The following GATAD2A variants were observed in gnomAD, a reference collection of about 807,000 sequenced individuals.
GATAD2A encodes the protein transcriptional repressor p66-alpha.
Under a neutral mutation model 68.5 loss-of-function variants are expected in GATAD2A, and 12 were observed. That is an observed-to-expected ratio of 0.18 (90% CI 0.11 to 0.28). The LOEUF is 0.28. GATAD2A is among the 10% of genes least tolerant of loss of function. The probability of loss-of-function intolerance (pLI) is 1.00; values close to 1 mark genes in which losing one functional copy is unlikely to be tolerated. For synonymous variants in GATAD2A, 410 were observed against 375.3 expected, an observed-to-expected ratio of 1.09 and a Z score of -1.07; for missense variants, 755 against 868.5, an observed-to-expected ratio of 0.87 and a Z score of 1.64.
At chr19:19,499,253 C>T (rs1346615029) in intron 8 of GATAD2A, among the ~76,000 whole-genome samples, 3 of 152,228 alleles carry the variant, frequency 2.0e-5, no homozygotes, top group East Asian at 1.9e-4. Context: ...GCATTGGAGA[C>T]GGCTGGGCGG....
chr19:19,390,591 C>A (rs1249019643), intron 1 of GATAD2A, among the ~76,000 whole-genome samples: 1 of 152,068 alleles, frequency 6.6e-6, no homozygotes, highest in African/African-American at 2.4e-5. Context: ...TGGTGTCTCC[C>A]CCTGTAAAAT....
At chr19:19,489,373 C>T (rs573245245) in intron 2 of GATAD2A, among the ~76,000 whole-genome samples, 75 of 152,318 alleles carry the variant, frequency 4.9e-4, no homozygotes, top group Admixed American at 1.3e-3. Flanking sequence ...TGGAACTGGC[C>T]GTTGCCATGG....
intron 2 of GATAD2A, among the ~76,000 whole-genome samples, chr19:19,484,555 C>T (rs868021529): frequency 5.5e-5 from 6 of 108,566 alleles, no homozygotes; most frequent in Middle Eastern, 9.3e-3. Context: ...TTTTTTGAGA[C>T]GGAGTCTGGC....
intron 1 of GATAD2A, among the ~76,000 whole-genome samples, chr19:19,424,583 G>A (rs1464546771): frequency 6.6e-6 from 1 of 151,790 alleles, no homozygotes; most frequent in Non-Finnish European, 1.5e-5. Flanking sequence ...CTGTTGCTCA[G>A]GCTGGTCTCG....
chr19:19,501,273 G>A lies in GATAD2A; in HGVS notation c.1360G>A (p.Glu454Lys), dbSNP rs1401694155. ...CAACCAGAAGAAGGCGCTCAAGGTG[G>A]AGCACACCAGCCGGCTGAAGGCCGC... ...TTNQKKALKVEHTSRLKAAFV... is the reference protein window; with the variant it reads ...TTNQKKALKVKHTSRLKAAFV... Residue 454 changes from glutamate (E) to lysine (K), a missense_variant, in exon 9 of 12, where the codon GAG becomes AAG. Physicochemically the swap from Glu to Lys is moderately conservative, Grantham distance 56. Coordinates refer to ENST00000683918, the MANE Select transcript of GATAD2A (RefSeq NM_001384528.1). 1 of 1,613,378 alleles carries A rather than the reference G, an allele frequency of 6.2e-7. No homozygotes were observed. The highest frequency in any genetic ancestry group is 2.2e-5 in the East Asian group (1 of 44,866).
Position 19,481,876 on chromosome 19 carries a change from G to A in GATAD2A, c.270-10430G>A, listed in dbSNP as rs140515118. On this transcript the variant is annotated intron_variant, in intron 2 of 11. Coordinates refer to ENST00000683918, the MANE Select transcript of GATAD2A (RefSeq NM_001384528.1). ...GCACTTTGGGAGGCTGAGGTGGAAGGATCACCTGATCCCAAGAAGTTCAAG... is the reference window on the plus strand; with the variant it reads ...GCACTTTGGGAGGCTGAGGTGGAAGAATCACCTGATCCCAAGAAGTTCAAG... 6.3e-4 allele frequency among the ~76,000 whole-genome samples: 96 copies of A among 152,326 alleles called. 1 individual carries two copies. In the East Asian group the frequency reaches 0.016, roughly 26 times the overall value.
rs1034839441 is a variant in GATAD2A at position 19,506,107 on chromosome 19, C to G, written c.*633C>G. The G allele has an allele frequency of 1.3e-5, 5 of 398,964 alleles. No homozygotes were observed. Among genetic ancestry groups the G allele is most frequent in the Non-Finnish European group, 2.2e-5 (5 of 226,128 alleles). 24.7% of individuals were successfully genotyped at this position (398,964 alleles called of 1,614,324 possible). On this transcript the variant is annotated 3_prime_UTR_variant, in exon 12 of 12. Transcript: ENST00000683918. ...GGTGGGCGGCTCATGGTGCCACAGCCCCTGGCAGGGACGGCCGGCCCGCCC... is the reference window on the plus strand; with the variant it reads ...GGTGGGCGGCTCATGGTGCCACAGCGCCTGGCAGGGACGGCCGGCCCGCCC...
intron 2 of GATAD2A, among the ~76,000 whole-genome samples, chr19:19,466,799 C>T (rs1251805202): frequency 2.0e-5 from 3 of 152,252 alleles, no homozygotes; most frequent in Non-Finnish European, 4.4e-5. Flanking sequence ...AGGTCCTCTT[C>T]TAAAGTTCCA....
chr19:19,483,665 A>T (rs1337044423), intron 2 of GATAD2A, among the ~76,000 whole-genome samples: 1 of 151,268 alleles, frequency 6.6e-6, no homozygotes, highest in East Asian at 1.9e-4. Flanking sequence ...TCCAGCATGG[A>T]GTGCAGTGGC....
At chr19:19,427,653 G>A in intron 1 of GATAD2A, 1 of 156,258 alleles carries the variant, frequency 6.4e-6, no homozygotes, top group Non-Finnish European at 1.4e-5. Context: ...CATTGCTTGG[G>A]GATTGAAGGT....
chr19:19,482,973 C>T (rs939117625), intron 2 of GATAD2A, among the ~76,000 whole-genome samples: 2 of 152,074 alleles, frequency 1.3e-5, no homozygotes, highest in Non-Finnish European at 2.9e-5. Flanking sequence ...CTATTCTGCA[C>T]GCCCCCGAGA....
intron 1 of GATAD2A, among the ~76,000 whole-genome samples, chr19:19,459,896 C>T (rs1202169873): frequency 6.6e-6 from 1 of 152,242 alleles, no homozygotes; most frequent in Non-Finnish European, 1.5e-5. Context: ...CGTACTTGGC[C>T]TTAATGAAGT....
chr19:19,484,037 G>A (rs549902040), intron 2 of GATAD2A, among the ~76,000 whole-genome samples: 1 of 152,138 alleles, frequency 6.6e-6, no homozygotes, highest in African/African-American at 2.4e-5. Context: ...GGAGGACTGC[G>A]TGGGGTCCCA....
intron 1 of GATAD2A, among the ~76,000 whole-genome samples, chr19:19,386,476 C>A: frequency 6.6e-6 from 1 of 151,478 alleles, no homozygotes; most frequent in South Asian, 2.1e-4. Flanking sequence ...TTTCTAGCGA[C>A]CCCCACCTTT....
chr19:19,495,658 AGT>A, intron 5 of GATAD2A, 94 bp from the exon 6 acceptor site: 1 of 932,286 alleles, frequency 1.1e-6, no homozygotes, highest in Non-Finnish European at 1.6e-6. Context: ...AAAAAAAACT[AGT>A]ATGTACTTTC....
intron 1 of GATAD2A, among the ~76,000 whole-genome samples, chr19:19,388,263 G>A (rs2146801184): frequency 6.6e-6 from 1 of 152,096 alleles, no homozygotes; most frequent in South Asian, 2.1e-4. Flanking sequence ...CTCCATGTGG[G>A]TCAGGGTGGT....
chr19:19,491,912 G>C (rs1418463640), intron 2 of GATAD2A, among the ~76,000 whole-genome samples: 1 of 152,216 alleles, frequency 6.6e-6, no homozygotes, highest in East Asian at 1.9e-4. Flanking sequence ...GCATGCTCAA[G>C]CCCCCACAAT....
chr19:19,473,840 GGT>G (rs1188749941), intron 2 of GATAD2A, among the ~76,000 whole-genome samples: 2 of 152,024 alleles, frequency 1.3e-5, no homozygotes, highest in Non-Finnish European at 2.9e-5. Flanking sequence ...CAGCAACTTG[GGT>G]GGCTGAGGCA....
chr19:19,491,997 G>A lies in GATAD2A; in HGVS notation c.270-309G>A, dbSNP rs150816345. 2.1e-3 allele frequency among the ~76,000 whole-genome samples: 320 copies of A among 152,346 alleles called. 2 individuals are homozygous for A. Among genetic ancestry groups the A allele is most frequent in the South Asian group, 0.016 (77 of 4,830 alleles). The stretch of plus-strand genomic sequence containing the variant: ...TCCGAGGCACACGGTAGAGGGAGCA[G>A]CCATGTTTTCCAAAGTCACCATGTC... On this transcript the variant is annotated intron_variant, in intron 2 of 11. Transcript: ENST00000683918.
Sources: gnomAD v4.1 joint callset for allele counts (sites outside exome capture counted in the v4.1 genomes callset) on GRCh38, gnomAD v4.1.1 for gene constraint, MANE v1.5 for transcripts, NCBI Gene and HGNC (gene_info 2026-07-23, HGNC 2026-07-21) for gene names.